SORBS2: variants seen among roughly 807,000 people sequenced by gnomAD.
SORBS2 encodes sorbin and SH3 domain-containing protein 2.
SORBS2 carries 46 observed loss-of-function variants against 97.7 expected under a neutral mutation model. The observed-to-expected ratio is 0.47, with a 90% CI of 0.37 to 0.60. The LOEUF (loss-of-function observed/expected upper bound fraction) is 0.60. Among genes scored for constraint, SORBS2 ranks in the 20% least tolerant of loss-of-function variants. SORBS2 has a pLI of 0.00. For missense variants in SORBS2, 1,316 were observed against 1,282.3 expected, an observed-to-expected ratio of 1.03 and a Z score of -0.40; for synonymous variants, 476 against 473.4, an observed-to-expected ratio of 1.01 and a Z score of -0.07.
intron 1 of SORBS2, among the ~76,000 whole-genome samples, chr4:185,909,805 C>T (rs1164488578): frequency 6.6e-6 from 1 of 151,726 alleles, no homozygotes. Flanking sequence ...TCTTTTTCTA[C>T]AAAGAGAAAT....
chr4:185,905,609 C>A (rs537149620), intron 1 of SORBS2, among the ~76,000 whole-genome samples: 20 of 151,930 alleles, frequency 1.3e-4, no homozygotes, highest in Non-Finnish European at 2.6e-4. Flanking sequence ...GTCATTGTTT[C>A]TTCTCTCTCT....
At chr4:185,772,153 T>C (rs1442139323) in intron 2 of SORBS2, 1 of 152,074 alleles carries the variant, frequency 6.6e-6, no homozygotes, top group Non-Finnish European at 1.5e-5. Flanking sequence ...ATCTCCCTTT[T>C]CCTCTCTGCT....
At chr4:185,774,985 TC>T (rs2098993046) in intron 2 of SORBS2, 1 of 151,956 alleles carries the variant, frequency 6.6e-6, no homozygotes, top group South Asian at 2.1e-4. Flanking sequence ...AGACCTCTGA[TC>T]CATGGCTTAG....
intron 1 of SORBS2, among the ~76,000 whole-genome samples, chr4:185,893,419 GC>G (rs1386965061): frequency 6.6e-6 from 1 of 152,206 alleles, no homozygotes; most frequent in Non-Finnish European, 1.5e-5. Flanking sequence ...CAGGGCTGGA[GC>G]TTGTCAAACT....
At chr4:185,834,181 A>T (rs1156365864) in intron 1 of SORBS2, among the ~76,000 whole-genome samples, 1 of 152,210 alleles carries the variant, frequency 6.6e-6, no homozygotes, top group African/African-American at 2.4e-5. Context: ...CTGTACAGGA[A>T]GCATGATGCT....
intron 2 of SORBS2, among the ~76,000 whole-genome samples, chr4:185,722,864 A>C (rs1026997264): frequency 6.6e-6 from 1 of 152,158 alleles, no homozygotes. Context: ...ATTCAGTATA[A>C]TTTTATTTTG....
chr4:185,638,057 T>A, intron 4 of SORBS2, 22 bp downstream of exon 15: 1 of 1,384,578 alleles, frequency 7.2e-7, no homozygotes, highest in Admixed American at 1.7e-5. Context: ...TTTTCTTATA[T>A]TAATAGTCTA....
chr4:185,909,595 A>G (rs796107971), intron 1 of SORBS2, among the ~76,000 whole-genome samples: 10 of 152,358 alleles, frequency 6.6e-5, no homozygotes, highest in African/African-American at 2.2e-4. Flanking sequence ...TTGCATTAAA[A>G]ATCTTTCAAG....
At chr4:185,901,784 T>A (rs2099247915) in intron 1 of SORBS2, among the ~76,000 whole-genome samples, 1 of 152,230 alleles carries the variant, frequency 6.6e-6, no homozygotes, top group Non-Finnish European at 1.5e-5. Context: ...AAAATATATG[T>A]GAATTTACTG....
intron 1 of SORBS2, among the ~76,000 whole-genome samples, chr4:185,877,180 A>G (rs940607322): frequency 4.6e-5 from 7 of 152,242 alleles, no homozygotes; most frequent in African/African-American, 1.7e-4. Context: ...AATGTCGTAT[A>G]TTAATATAAC....
chr4:185,780,007 A>ATTTTTTTTTTTTTTTTT (rs538693770), intron 1 of SORBS2, among the ~76,000 whole-genome samples: 1 of 98,086 alleles, frequency 1.0e-5, no homozygotes, highest in Non-Finnish European at 1.9e-5. Context: ...GTAGAGTAAC[A>ATTTTTTTTTTTTTTTTT]TTTTTTTTTT....
intron 6 of SORBS2, among the ~76,000 whole-genome samples, chr4:185,625,730 A>T (rs1464485270): frequency 3.3e-5 from 5 of 152,238 alleles, no homozygotes. Context: ...TGGGGCTCAC[A>T]CGCCCTGAAC....
intron 2 of SORBS2, among the ~76,000 whole-genome samples, chr4:185,691,146 T>C (rs547567861): frequency 1.3e-5 from 2 of 152,270 alleles, no homozygotes; most frequent in East Asian, 3.9e-4. Flanking sequence ...GTGATCCACC[T>C]GATTCGGCCT....
chr4:185,885,645 T>C (rs1341374510), intron 1 of SORBS2, among the ~76,000 whole-genome samples: 1 of 152,250 alleles, frequency 6.6e-6, no homozygotes, highest in Non-Finnish European at 1.5e-5. Flanking sequence ...ATCTCTCATT[T>C]TACTCTTCAA....
intron 2 of SORBS2, among the ~76,000 whole-genome samples, chr4:185,689,760 A>G (rs1011376876): frequency 1.3e-5 from 2 of 152,204 alleles, no homozygotes; most frequent in African/African-American, 2.4e-5. Flanking sequence ...TGGACATGAG[A>G]GAATATCTTG....
intron 1 of SORBS2, among the ~76,000 whole-genome samples, chr4:185,828,617 T>C (rs1341405986): frequency 6.6e-6 from 1 of 151,982 alleles, no homozygotes; most frequent in East Asian, 1.9e-4. Context: ...GAGCTTAACC[T>C]CAGGGAAGGC....
At chr4:185,780,707 A>G (rs115271653) in intron 1 of SORBS2, among the ~76,000 whole-genome samples, 511 of 152,300 alleles carry the variant, frequency 3.4e-3, no homozygotes, top group African/African-American at 0.011. Flanking sequence ...CATACGTCCA[A>G]TGACTTCTAC....
At chr4:185,704,591 T>G (rs1197921542) in intron 2 of SORBS2, among the ~76,000 whole-genome samples, 1 of 152,120 alleles carries the variant, frequency 6.6e-6, no homozygotes, top group African/African-American at 2.4e-5. Flanking sequence ...AGTGCTGGGA[T>G]TACAGGCGTG....
At chr4:185,687,122 G>T (rs1316473697) in intron 2 of SORBS2, among the ~76,000 whole-genome samples, 1 of 152,060 alleles carries the variant, frequency 6.6e-6, no homozygotes, top group African/African-American at 2.4e-5. Flanking sequence ...ACCTTACTGG[G>T]CTCAAACTGA....
Sources: gnomAD v4.1 joint callset for allele counts (sites outside exome capture counted in the v4.1 genomes callset) on GRCh38, gnomAD v4.1.1 for gene constraint, MANE v1.5 for transcripts, NCBI Gene and HGNC (gene_info 2026-07-23, HGNC 2026-07-21) for gene names.